AUTS2: variants seen among roughly 807,000 people sequenced by gnomAD.
AUTS2 encodes autism susceptibility gene 2 protein.
AUTS2 carries 17 observed loss-of-function variants against 112.4 expected under a neutral mutation model. The observed-to-expected ratio is 0.15, with a 90% CI of 0.10 to 0.23. The LOEUF (loss-of-function observed/expected upper bound fraction) is 0.23. Among genes scored for constraint, AUTS2 ranks in the 10% least tolerant of loss-of-function variants. The pLI, the probability that AUTS2 is intolerant of heterozygous loss-of-function variation, is 1.00. For synonymous variants in AUTS2, 751 were observed against 702.7 expected (o/e 1.07, Z -1.09); for missense variants, 1,510 against 1,701.6 (o/e 0.89, Z 1.98).
At chr7:70,369,156 A>G (rs58078332) in intron 4 of AUTS2, among the ~76,000 whole-genome samples, 1 of 152,176 alleles carries the variant, frequency 6.6e-6, no homozygotes, top group African/African-American at 2.4e-5. Flanking sequence ...GAATGGGAAG[A>G]GAAACCATTG....
intron 5 of AUTS2, among the ~76,000 whole-genome samples, chr7:70,621,021 G>A (rs1585391218): frequency 6.6e-6 from 1 of 152,364 alleles, no homozygotes; most frequent in East Asian, 1.9e-4. Context: ...ATGAGGGGCC[G>A]CGGTATGGCG....
At chr7:69,650,440 G>A (rs1795239820) in intron 1 of AUTS2, among the ~76,000 whole-genome samples, 1 of 152,106 alleles carries the variant, frequency 6.6e-6, no homozygotes, top group Non-Finnish European at 1.5e-5. Context: ...TAGAATCTTA[G>A]CAGTAGGATT....
intron 1 of AUTS2, among the ~76,000 whole-genome samples, chr7:69,614,988 A>C (rs1443976576): frequency 1.3e-5 from 2 of 152,232 alleles, no homozygotes; most frequent in African/African-American, 4.8e-5. Context: ...TTGAAATTTA[A>C]ATATAACTGT....
intron 5 of AUTS2, among the ~76,000 whole-genome samples, chr7:70,462,178 G>A (rs1180692765): frequency 6.6e-6 from 1 of 152,150 alleles, no homozygotes; most frequent in African/African-American, 2.4e-5. Context: ...CTTGAACCTG[G>A]ATGGCGGAGG....
At chr7:69,940,312 G>T (rs925444651) in intron 2 of AUTS2, among the ~76,000 whole-genome samples, 2 of 152,158 alleles carry the variant, frequency 1.3e-5, no homozygotes, top group African/African-American at 4.8e-5. Flanking sequence ...ATTAACCTAG[G>T]GAAGAGGAAG....
At chr7:69,635,573 C>T (rs970034812) in intron 1 of AUTS2, among the ~76,000 whole-genome samples, 1 of 152,194 alleles carries the variant, frequency 6.6e-6, no homozygotes, top group African/African-American at 2.4e-5. Context: ...GTTCTGGGCC[C>T]TAATTCAGCG....
At chr7:69,804,647 G>A (rs182557356) in intron 1 of AUTS2, among the ~76,000 whole-genome samples, 80 of 152,306 alleles carry the variant, frequency 5.3e-4, no homozygotes, top group African/African-American at 1.8e-3. Flanking sequence ...CCAAAATGTA[G>A]GATCATGAAC....
At chr7:70,396,876 T>A (rs1794108621) in intron 4 of AUTS2, among the ~76,000 whole-genome samples, 1 of 152,190 alleles carries the variant, frequency 6.6e-6, no homozygotes, top group South Asian at 2.1e-4. Flanking sequence ...TGTATTTGAA[T>A]CTTAAGGAAG....
intron 4 of AUTS2, among the ~76,000 whole-genome samples, chr7:70,277,151 A>ATC (rs779644328): frequency 1.8e-3 from 276 of 152,334 alleles, no homozygotes; most frequent in Middle Eastern, 3.4e-3. Context: ...GACTCCTAGG[A>ATC]TGGATCTGTC....
chr7:69,602,189 G>A (rs1792477342), intron 1 of AUTS2, among the ~76,000 whole-genome samples: 2 of 151,600 alleles, frequency 1.3e-5, no homozygotes, highest in South Asian at 4.2e-4. Flanking sequence ...TGGCTTTTGC[G>A]AGAAAATGTG....
At chr7:69,900,494 G>A (rs748384579) in intron 2 of AUTS2, among the ~76,000 whole-genome samples, 1 of 152,210 alleles carries the variant, frequency 6.6e-6, no homozygotes, top group Non-Finnish European at 1.5e-5. Context: ...TATAATGAGA[G>A]CTACTAAACC....
intron 6 of AUTS2, among the ~76,000 whole-genome samples, chr7:70,715,882 G>A (rs1810338500): frequency 6.6e-6 from 1 of 152,076 alleles, no homozygotes; most frequent in Admixed American, 6.5e-5. Flanking sequence ...CCTTTTCTCT[G>A]AATTCTACCC....
At chr7:70,563,226 C>T (rs980452939) in intron 5 of AUTS2, among the ~76,000 whole-genome samples, 5 of 152,150 alleles carry the variant, frequency 3.3e-5, no homozygotes, top group Non-Finnish European at 7.3e-5. Flanking sequence ...TACTTATTCC[C>T]TGGTATAACT....
intron 3 of AUTS2, among the ~76,000 whole-genome samples, chr7:70,129,301 T>C (rs1436344036): frequency 3.9e-5 from 6 of 152,226 alleles, no homozygotes; most frequent in Admixed American, 6.5e-5. Flanking sequence ...AAAGGAATTC[T>C]CTCTTCTCTG....
intron 4 of AUTS2, among the ~76,000 whole-genome samples, chr7:70,326,986 T>C (rs1221418529): frequency 6.6e-6 from 1 of 151,072 alleles, no homozygotes; most frequent in Non-Finnish European, 1.5e-5. Context: ...GGCATGATCT[T>C]GGCTCACTGC....
chr7:69,706,220 G>T (rs1024200230), intron 1 of AUTS2, among the ~76,000 whole-genome samples: 2 of 152,192 alleles, frequency 1.3e-5, no homozygotes, highest in East Asian at 3.8e-4. Context: ...TTGGGGATGG[G>T]CAGTGGCTGA....
chr7:69,649,996 A>G (rs1259265040), intron 1 of AUTS2, among the ~76,000 whole-genome samples: 2 of 152,152 alleles, frequency 1.3e-5, no homozygotes, highest in African/African-American at 2.4e-5. Flanking sequence ...CAGCAGCACA[A>G]TTTTAGCCAT....
intron 2 of AUTS2, among the ~76,000 whole-genome samples, chr7:70,078,671 C>G (rs1803153684): frequency 6.6e-6 from 1 of 152,120 alleles, no homozygotes; most frequent in African/African-American, 2.4e-5. Context: ...GAATGTCCTT[C>G]ACTATCAATC....
intron 3 of AUTS2, among the ~76,000 whole-genome samples, chr7:70,122,720 A>G (rs953366611): frequency 2.6e-5 from 4 of 152,182 alleles, no homozygotes; most frequent in Non-Finnish European, 5.9e-5. Context: ...ACTGAAAAGG[A>G]AAGAAAGAAA....
Sources: allele counts gnomAD v4.1 joint callset (sites outside exome capture counted in the v4.1 genomes callset), GRCh38; gene constraint gnomAD v4.1.1; transcripts MANE v1.5; gene names NCBI Gene and HGNC (gene_info 2026-07-23, HGNC 2026-07-21).